Variants in AGBL4 observed in about 807,000 individuals in gnomAD.
AGBL4 encodes AGBL carboxypeptidase 4, also known as cytosolic carboxypeptidase 6.
Under a neutral mutation model 66.4 loss-of-function variants are expected in AGBL4, and 58 were observed. The observed-to-expected ratio is 0.87, with a 90% CI of 0.71 to 1.09. The LOEUF is 1.09. Among genes scored for constraint, AGBL4 ranks in the 50% least tolerant of loss-of-function variants. The pLI is 0.00. For missense variants in AGBL4, 579 were observed against 631.0 expected (o/e 0.92, Z 0.88); for synonymous variants, 234 against 222.9 (o/e 1.05, Z -0.44).
chr1:48,904,278 G>A (rs556764258), intron 5 of AGBL4, among the ~76,000 whole-genome samples: 1 of 152,200 alleles, frequency 6.6e-6, no homozygotes, highest in South Asian at 2.1e-4. Flanking sequence ...CCATCTCAAG[G>A]AAAATAATAA....
chr1:48,570,192 C>T (rs1644537829), intron 11 of AGBL4, among the ~76,000 whole-genome samples: 1 of 152,174 alleles, frequency 6.6e-6, no homozygotes, highest in Admixed American at 6.5e-5. Context: ...TCAACAGAGC[C>T]CAGTAACTTT....
Position 49,800,993 on chromosome 1 carries a change from G to A in AGBL4, c.157+50403C>T, listed in dbSNP as rs549998454. Among the ~76,000 whole-genome samples the A allele has an allele frequency of 4.0e-5, 6 of 150,618 alleles. No individual in the cohort carries two copies. The East Asian group carries it at 1.2e-3, about 29-fold the overall frequency. ...TTACAGTCCCACCAACAGTGTAAAA[G>A]TGTTCCTATTTCTCCACATCCTCTC... On this transcript the variant is annotated intron_variant, in intron 2 of 13. Transcript: ENST00000371839.
intron 2 of AGBL4, among the ~76,000 whole-genome samples, chr1:49,842,718 G>C (rs1463810800): frequency 6.6e-6 from 1 of 152,104 alleles, no homozygotes; most frequent in Non-Finnish European, 1.5e-5. Flanking sequence ...TGAGTGATGA[G>C]GTAGACTAGG....
At chr1:49,999,018 G>A (rs528004818) in intron 1 of AGBL4, among the ~76,000 whole-genome samples, 2 of 152,200 alleles carry the variant, frequency 1.3e-5, no homozygotes, top group East Asian at 3.9e-4. Context: ...CTGAGAACTG[G>A]AACAAGACAA....
At chr1:49,531,793 C>T (rs978164599) in intron 3 of AGBL4, among the ~76,000 whole-genome samples, 1 of 152,036 alleles carries the variant, frequency 6.6e-6, no homozygotes, top group Non-Finnish European at 1.5e-5. Flanking sequence ...GGTTTTCCTA[C>T]ACTAGCACGT....
chr1:49,126,516 A>C (rs1645767315), intron 4 of AGBL4, among the ~76,000 whole-genome samples: 1 of 152,176 alleles, frequency 6.6e-6, no homozygotes, highest in Admixed American at 6.5e-5. Context: ...TTATTCATAT[A>C]AACTTAATCC....
intron 1 of AGBL4, among the ~76,000 whole-genome samples, chr1:49,945,927 A>C (rs979779366): frequency 2.6e-5 from 4 of 152,086 alleles, no homozygotes; most frequent in African/African-American, 9.7e-5. Context: ...TATCAAACAA[A>C]ACAGACTTTA....
chr1:49,913,158 A>G (rs1429921826), intron 1 of AGBL4, among the ~76,000 whole-genome samples: 1 of 152,196 alleles, frequency 6.6e-6, no homozygotes, highest in Admixed American at 6.5e-5. Context: ...CATGGTCTAA[A>G]GTCTCATAGA....
intron 1 of AGBL4, among the ~76,000 whole-genome samples, chr1:49,935,884 G>A (rs953584481): frequency 6.6e-6 from 1 of 152,028 alleles, no homozygotes; most frequent in Admixed American, 6.6e-5. Context: ...ACAAAGATGG[G>A]GAAAAAACAG....
intron 1 of AGBL4, among the ~76,000 whole-genome samples, chr1:49,942,918 G>A (rs768809660): frequency 2.0e-5 from 3 of 152,074 alleles, no homozygotes; most frequent in African/African-American, 4.8e-5. Context: ...CTGATAAGAG[G>A]TTAATATACA....
At chr1:49,291,671 T>C (rs1237870951) in intron 3 of AGBL4, among the ~76,000 whole-genome samples, 3 of 152,258 alleles carry the variant, frequency 2.0e-5, no homozygotes, top group Admixed American at 6.5e-5. Flanking sequence ...GGGAGTCTTC[T>C]GCATAACCAG....
intron 1 of AGBL4, among the ~76,000 whole-genome samples, chr1:49,972,745 T>A (rs143257105): frequency 2.6e-4 from 40 of 152,302 alleles, no homozygotes; most frequent in African/African-American, 9.4e-4. Context: ...CTGTGCCTAA[T>A]TTATAAACTA....
chr1:49,602,514 A>G (rs561748350), intron 3 of AGBL4, among the ~76,000 whole-genome samples: 1 of 152,270 alleles, frequency 6.6e-6, no homozygotes, highest in Non-Finnish European at 1.5e-5. Flanking sequence ...ATGCAGCCAT[A>G]AAAAAGGATG....
chr1:49,647,302 A>G (rs1177714039), intron 3 of AGBL4, among the ~76,000 whole-genome samples: 1 of 152,122 alleles, frequency 6.6e-6, no homozygotes, highest in Non-Finnish European at 1.5e-5. Context: ...GAAAAAAACT[A>G]CAACTTTTAG....
intron 3 of AGBL4, among the ~76,000 whole-genome samples, chr1:49,312,596 T>C (rs1644961493): frequency 6.6e-6 from 1 of 151,970 alleles, no homozygotes; most frequent in Non-Finnish European, 1.5e-5. Context: ...AAGGGACTGG[T>C]AACCAAAATA....
At chr1:48,628,880 T>C (rs1008345441) in intron 9 of AGBL4, among the ~76,000 whole-genome samples, 2 of 130,110 alleles carry the variant, frequency 1.5e-5, no homozygotes, top group African/African-American at 5.9e-5. Flanking sequence ...CAAAGCACTG[T>C]TTGCTTAATT....
intron 11 of AGBL4, among the ~76,000 whole-genome samples, chr1:48,552,556 TG>T (rs1557780647): frequency 6.6e-6 from 1 of 152,200 alleles, no homozygotes; most frequent in Non-Finnish European, 1.5e-5. Context: ...TTCTGTGTTG[TG>T]GGGGCAGCCC....
intron 2 of AGBL4, among the ~76,000 whole-genome samples, chr1:49,771,623 A>T (rs1053332463): frequency 7.9e-5 from 12 of 152,126 alleles, no homozygotes; most frequent in Non-Finnish European, 1.5e-4. Context: ...TGTATTGCAG[A>T]CTATCTTTTC....
At chr1:49,230,180 A>C (rs1245774540) in intron 4 of AGBL4, among the ~76,000 whole-genome samples, 1 of 152,132 alleles carries the variant, frequency 6.6e-6, no homozygotes, top group Non-Finnish European at 1.5e-5. Context: ...GGTTCTGTCC[A>C]CCTTGCTTAT....
Sources: allele counts gnomAD v4.1 joint callset (sites outside exome capture counted in the v4.1 genomes callset), GRCh38; gene constraint gnomAD v4.1.1; transcripts MANE v1.5; gene names NCBI Gene and HGNC (gene_info 2026-07-23, HGNC 2026-07-21).